The following FRMD5 variants were observed in gnomAD, a reference collection of about 807,000 sequenced individuals.
FRMD5 encodes the protein FERM domain-containing protein 5.
In FRMD5, 20 loss-of-function variants were observed where a neutral mutation model predicts 69.0. That is an observed-to-expected ratio of 0.29 (90% CI 0.20 to 0.42). FRMD5 has a LOEUF of 0.42. FRMD5 is among the 10% of genes least tolerant of loss of function. The pLI is 1.00. For synonymous variants in FRMD5, 271 were observed against 260.1 expected (o/e 1.04, Z -0.40); for missense variants, 595 against 708.6 (o/e 0.84, Z 1.82).
intron 1 of FRMD5, among the ~76,000 whole-genome samples, chr15:44,134,574 G>A (rs1309031786): frequency 2.0e-5 from 3 of 152,026 alleles, no homozygotes; most frequent in African/African-American, 7.2e-5. Context: ...TCAACCTCCC[G>A]AGTAGCTGGG....
At chr15:43,882,069 A>C (rs1366350752) in intron 13 of FRMD5, among the ~76,000 whole-genome samples, 1 of 152,172 alleles carries the variant, frequency 6.6e-6, no homozygotes, top group Non-Finnish European at 1.5e-5. Context: ...AAAAAACACC[A>C]TCTTCGGGAA....
intron 1 of FRMD5, among the ~76,000 whole-genome samples, chr15:43,967,078 T>C (rs2090306087): frequency 6.6e-6 from 1 of 152,146 alleles, no homozygotes; most frequent in African/African-American, 2.4e-5. Flanking sequence ...AATGTAAATT[T>C]GGAAAATAAA....
At chr15:44,047,244 G>A (rs1892467519) in intron 1 of FRMD5, among the ~76,000 whole-genome samples, 1 of 152,188 alleles carries the variant, frequency 6.6e-6, no homozygotes, top group African/African-American at 2.4e-5. Flanking sequence ...AGGAGGCAGA[G>A]GTTGCAGTGA....
chr15:44,076,513 T>A (rs1282717986), intron 1 of FRMD5, among the ~76,000 whole-genome samples: 1 of 150,626 alleles, frequency 6.6e-6, no homozygotes, highest in East Asian at 2.0e-4. Context: ...CTCAGTAAAC[T>A]ATCGCAAGAA....
chr15:43,979,282 C>T (rs1406997394), intron 1 of FRMD5, among the ~76,000 whole-genome samples: 2 of 149,926 alleles, frequency 1.3e-5, no homozygotes, highest in African/African-American at 2.5e-5. Context: ...TTACAGTGAG[C>T]GGAGATCACG....
At chr15:44,111,288 T>C (rs1444266768) in intron 1 of FRMD5, among the ~76,000 whole-genome samples, 1 of 152,204 alleles carries the variant, frequency 6.6e-6, no homozygotes, top group Non-Finnish European at 1.5e-5. Flanking sequence ...ACAGACTCCA[T>C]TACTCACTCA....
At chr15:44,060,776 A>C (rs1408430348) in intron 1 of FRMD5, among the ~76,000 whole-genome samples, 2 of 152,208 alleles carry the variant, frequency 1.3e-5, no homozygotes, top group Non-Finnish European at 2.9e-5. Flanking sequence ...AAGGAAAAAA[A>C]TCCCTGGCAC....
chr15:44,130,587 C>T (rs2077085122), intron 1 of FRMD5, among the ~76,000 whole-genome samples: 1 of 152,132 alleles, frequency 6.6e-6, no homozygotes, highest in Non-Finnish European at 1.5e-5. Context: ...TCTACTAGAA[C>T]TATAAAACCT....
chr15:44,083,779 T>C (rs935381584), intron 1 of FRMD5, among the ~76,000 whole-genome samples: 1 of 151,942 alleles, frequency 6.6e-6, no homozygotes, highest in African/African-American at 2.4e-5. Context: ...AGAAAAGACA[T>C]AAAGACATAC....
At chr15:43,918,436 GA>G (rs2089434827) in intron 4 of FRMD5, among the ~76,000 whole-genome samples, 1 of 152,098 alleles carries the variant, frequency 6.6e-6, no homozygotes, top group Non-Finnish European at 1.5e-5. Context: ...AAAAAGAAAA[GA>G]ATTCCATATT....
intron 1 of FRMD5, among the ~76,000 whole-genome samples, chr15:44,083,127 C>T (rs1327701242): frequency 4.6e-5 from 7 of 151,910 alleles, no homozygotes; most frequent in Admixed American, 4.6e-4. Flanking sequence ...TACCTTTGGA[C>T]CTCAGTGGTC....
chr15:43,873,307 T>C lies in FRMD5; in HGVS notation c.*578A>G, dbSNP rs2140325495. 1.3e-6 allele frequency: 2 copies of C among 1,516,766 alleles called. No individual in the cohort carries two copies. The highest frequency in any genetic ancestry group is 1.8e-6 in the Non-Finnish European group (2 of 1,136,670). 94.0% of individuals were successfully genotyped at this position (1,516,766 alleles called of 1,614,324 possible). A position where few individuals can be genotyped will look rare whatever the true frequency, so the allele number is the denominator to read the frequency against. On this transcript the variant is annotated 3_prime_UTR_variant, in exon 14 of 14. Coordinates refer to ENST00000417257, the MANE Select transcript of FRMD5 (RefSeq NM_032892.5). The stretch of plus-strand genomic sequence containing the variant: ...CAACTTTCCATTTAATCATTCTACA[T>C]GGATGTTTACTTTTTTAAAAGTTCT...
chr15:44,186,829 TG>T (rs1289624406), intron 1 of FRMD5, among the ~76,000 whole-genome samples: 2 of 152,260 alleles, frequency 1.3e-5, no homozygotes, highest in African/African-American at 4.8e-5. Flanking sequence ...AGTGCTTTCT[TG>T]GAGGTTCCCA....
chr15:44,027,826 A>G (rs1891504234), intron 1 of FRMD5, among the ~76,000 whole-genome samples: 1 of 151,804 alleles, frequency 6.6e-6, no homozygotes, highest in South Asian at 2.1e-4. Flanking sequence ...TCATATTTTT[A>G]GTAGGGACAG....
At chr15:43,928,538 C>A (rs1281700332) in intron 1 of FRMD5, among the ~76,000 whole-genome samples, 2 of 152,186 alleles carry the variant, frequency 1.3e-5, no homozygotes, top group African/African-American at 4.8e-5. Flanking sequence ...TACAAGCCAA[C>A]GGCAGGGGCA....
intron 1 of FRMD5, among the ~76,000 whole-genome samples, chr15:44,055,166 C>T (rs1347790584): frequency 6.6e-6 from 1 of 151,882 alleles, no homozygotes; most frequent in Non-Finnish European, 1.5e-5. Context: ...GAAATGCAGC[C>T]CTGCTTCTCT....
At chr15:44,027,639 G>GTTTTTTTTTTTTTT (rs767882395) in intron 1 of FRMD5, among the ~76,000 whole-genome samples, 3 of 27,048 alleles carry the variant, frequency 1.1e-4, no homozygotes, top group South Asian at 1.3e-3. Flanking sequence ...TTCTTTTCTA[G>GTTTTTTTTTTTTTT]TTTTTTTTTT....
intron 1 of FRMD5, among the ~76,000 whole-genome samples, chr15:44,163,153 G>A (rs903793751): frequency 7.2e-5 from 11 of 151,978 alleles, no homozygotes; most frequent in African/African-American, 1.2e-4. Flanking sequence ...CAGCCTGGGC[G>A]ACAGAGCGAG....
At chr15:44,007,577 A>G (rs1229415964) in intron 1 of FRMD5, among the ~76,000 whole-genome samples, 1 of 150,534 alleles carries the variant, frequency 6.6e-6, no homozygotes, top group Non-Finnish European at 1.5e-5. Flanking sequence ...ACAAGGCCAG[A>G]TATTTTTATC....
Sources: allele counts gnomAD v4.1 joint callset (sites outside exome capture counted in the v4.1 genomes callset), GRCh38; gene constraint gnomAD v4.1.1; transcripts MANE v1.5; gene names NCBI Gene and HGNC (gene_info 2026-07-23, HGNC 2026-07-21).